The following MTHFD2L variants were observed in gnomAD, a reference collection of about 807,000 sequenced individuals.
MTHFD2L encodes the protein bifunctional methylenetetrahydrofolate dehydrogenase/cyclohydrolase 2, mitochondrial.
In MTHFD2L, 29 loss-of-function variants were observed where a neutral mutation model predicts 34.9. That is an observed-to-expected ratio of 0.83 (90% CI 0.62 to 1.13). The LOEUF is 1.13. Among genes scored for constraint, MTHFD2L ranks in the 50% most tolerant of loss-of-function variants. The pLI is 0.00. For missense variants in MTHFD2L, 481 were observed against 446.5 expected, an observed-to-expected ratio of 1.08 and a Z score of -0.70; for synonymous variants, 167 against 155.7, an observed-to-expected ratio of 1.07 and a Z score of -0.54.
intron 3 of MTHFD2L, among the ~76,000 whole-genome samples, chr4:74,178,695 G>A (rs1729523915): frequency 6.6e-6 from 1 of 151,974 alleles, no homozygotes; most frequent in South Asian, 2.1e-4. Flanking sequence ...CAAAATTGTG[G>A]CTAACATTTA....
intron 3 of MTHFD2L, among the ~76,000 whole-genome samples, chr4:74,182,293 CT>C (rs1323059066): frequency 6.6e-6 from 1 of 152,154 alleles, no homozygotes. Flanking sequence ...TTCAGCACCA[CT>C]TTTTTGTGTG....
At chr4:74,141,294 C>T (rs1328845243) in intron 1 of MTHFD2L, among the ~76,000 whole-genome samples, 1 of 152,124 alleles carries the variant, frequency 6.6e-6, no homozygotes, top group Non-Finnish European at 1.5e-5. Context: ...AAATAATTAT[C>T]CATAGGATAA....
chr4:74,282,136 AC>A, intron 7 of MTHFD2L, among the ~76,000 whole-genome samples: 1 of 152,044 alleles, frequency 6.6e-6, no homozygotes, highest in African/African-American at 2.4e-5. Flanking sequence ...AAAAATTCTA[AC>A]CCAGTCTTCT....
At chr4:74,137,032 G>A (rs1722982557) in intron 1 of MTHFD2L, among the ~76,000 whole-genome samples, 1 of 152,088 alleles carries the variant, frequency 6.6e-6, no homozygotes. Context: ...AAAACTCTGA[G>A]GAAATACTTC....
intron 7 of MTHFD2L, among the ~76,000 whole-genome samples, chr4:74,295,663 G>C (rs1749541914): frequency 1.3e-5 from 2 of 152,020 alleles, no homozygotes; most frequent in African/African-American, 4.8e-5. Flanking sequence ...CAAAATACTT[G>C]ATATTTTCTA....
intron 3 of MTHFD2L, among the ~76,000 whole-genome samples, chr4:74,177,519 C>T (rs1729280022): frequency 1.3e-5 from 2 of 151,884 alleles, no homozygotes. Flanking sequence ...ATAAACTTCA[C>T]TAATTATCAG....
At chr4:74,142,378 C>A (rs899834772) in intron 1 of MTHFD2L, among the ~76,000 whole-genome samples, 1 of 152,032 alleles carries the variant, frequency 6.6e-6, no homozygotes, top group African/African-American at 2.4e-5. Flanking sequence ...CTCATAAATG[C>A]GATTAGTTTT....
intron 3 of MTHFD2L, among the ~76,000 whole-genome samples, chr4:74,188,703 T>TGTATATATATGG (rs1731804854): frequency 2.3e-5 from 3 of 132,888 alleles, no homozygotes; most frequent in South Asian, 2.5e-4. Flanking sequence ...TGTATGCATA[T>TGTATATATATGG]GTATATATAT....
chr4:74,230,017 G>A (rs1338986067), intron 6 of MTHFD2L, among the ~76,000 whole-genome samples: 3 of 152,116 alleles, frequency 2.0e-5, no homozygotes, highest in African/African-American at 7.2e-5. Context: ...CCCAGTAAAT[G>A]TGAGCTGTGT....
intron 5 of MTHFD2L, among the ~76,000 whole-genome samples, chr4:74,224,865 C>T (rs1008017259): frequency 6.6e-6 from 1 of 152,162 alleles, no homozygotes; most frequent in Non-Finnish European, 1.5e-5. Flanking sequence ...CCCTCCTAGA[C>T]ACCTTCTCAA....
chr4:74,182,363 T>G (rs1730354879), intron 3 of MTHFD2L, among the ~76,000 whole-genome samples: 1 of 152,324 alleles, frequency 6.6e-6, no homozygotes, highest in Non-Finnish European at 1.5e-5. Context: ...ATAAACAATT[T>G]AACTGATCAA....
At chr4:74,229,158 GA>G (rs1025003877) in intron 6 of MTHFD2L, among the ~76,000 whole-genome samples, 3 of 152,242 alleles carry the variant, frequency 2.0e-5, no homozygotes, top group South Asian at 2.1e-4. Context: ...GAATTTATAA[GA>G]AACAACTAAA....
chr4:74,269,310 TG>T (rs1745674411), intron 6 of MTHFD2L, among the ~76,000 whole-genome samples: 1 of 152,144 alleles, frequency 6.6e-6, no homozygotes, highest in African/African-American at 2.4e-5. Flanking sequence ...TGTGCGTTAG[TG>T]TATAATTATC....
intron 1 of MTHFD2L, among the ~76,000 whole-genome samples, chr4:74,144,391 T>A (rs1001812348): frequency 2.0e-5 from 3 of 152,140 alleles, no homozygotes. Flanking sequence ...AGGCAGAGGT[T>A]GCAATGAGCT....
chr4:74,174,826 A>G (rs1019863398), intron 2 of MTHFD2L, 136 bp downstream of exon 2: 1 of 610,602 alleles, frequency 1.6e-6, no homozygotes, highest in African/African-American at 1.9e-5. Flanking sequence ...TTATTCAGTT[A>G]CCAAAGCTTA....
intron 5 of MTHFD2L, among the ~76,000 whole-genome samples, chr4:74,210,266 T>G (rs762991205): frequency 9.9e-5 from 15 of 152,232 alleles, no homozygotes; most frequent in Non-Finnish European, 1.8e-4. Context: ...ATATTGCCCA[T>G]GCCTATGTCC....
At chr4:74,241,682 A>G (rs1257401108) in intron 6 of MTHFD2L, 3 of 296,474 alleles carry the variant, frequency 1.0e-5, no homozygotes, top group African/African-American at 2.2e-5. Flanking sequence ...CCGGCACTAT[A>G]TAAGTATTTT....
chr4:74,213,137 T>G (rs963137294), intron 5 of MTHFD2L, among the ~76,000 whole-genome samples: 1 of 152,190 alleles, frequency 6.6e-6, no homozygotes, highest in African/African-American at 2.4e-5. Context: ...TGATGGGTCT[T>G]GACTCTTTAT....
At chr4:74,230,627 A>G (rs1739895166) in intron 6 of MTHFD2L, among the ~76,000 whole-genome samples, 1 of 151,834 alleles carries the variant, frequency 6.6e-6, no homozygotes, top group Non-Finnish European at 1.5e-5. Context: ...AAAAGAAATT[A>G]TGGGAAAGGT....
Sources: allele counts gnomAD v4.1 joint callset (sites outside exome capture counted in the v4.1 genomes callset), GRCh38; gene constraint gnomAD v4.1.1; transcripts MANE v1.5; gene names NCBI Gene and HGNC (gene_info 2026-07-23, HGNC 2026-07-21).